C8orf34: variants seen among roughly 807,000 people sequenced by gnomAD.
C8orf34 encodes the protein uncharacterized protein C8orf34.
C8orf34 carries 65 observed loss-of-function variants against 68.3 expected under a neutral mutation model. The ratio of observed to expected loss-of-function variants is 0.95; its 90% CI spans 0.78 to 1.17. The LOEUF (loss-of-function observed/expected upper bound fraction) is 1.17, where lower values mean the gene tolerates loss of function less well. C8orf34 is among the 50% of genes most tolerant of loss of function. C8orf34 has a pLI of 0.00. For synonymous variants in C8orf34, 244 were observed against 241.2 expected, an observed-to-expected ratio of 1.01 and a Z score of -0.11; for missense variants, 664 against 655.4, an observed-to-expected ratio of 1.01 and a Z score of -0.14.
chr8:68,379,260 T>G (rs2129620121), intron 1 of C8orf34, among the ~76,000 whole-genome samples: 1 of 152,310 alleles, frequency 6.6e-6, no homozygotes, highest in African/African-American at 2.4e-5. Flanking sequence ...AGTCGAAGAT[T>G]TTTGCACCTT....
At chr8:68,718,618 C>G (rs1394632768) in intron 9 of C8orf34, among the ~76,000 whole-genome samples, 1 of 152,140 alleles carries the variant, frequency 6.6e-6, no homozygotes, top group Non-Finnish European at 1.5e-5. Context: ...GAGTTTATGT[C>G]AACTGTGCAT....
chr8:68,787,291 T>A (rs1356050212), intron 11 of C8orf34, 152 bp from the exon 12 acceptor site: 2 of 486,716 alleles, frequency 4.1e-6, no homozygotes, highest in Non-Finnish European at 7.5e-6. Flanking sequence ...GACATGAAAA[T>A]GAATTTAAAG....
chr8:68,599,654 C>A (rs1817642578), intron 7 of C8orf34, among the ~76,000 whole-genome samples: 1 of 151,850 alleles, frequency 6.6e-6, no homozygotes, highest in African/African-American at 2.4e-5. Flanking sequence ...ATGTATTATA[C>A]CCCCAGATAT....
chr8:68,468,973 G>A (rs1236965603), intron 4 of C8orf34, among the ~76,000 whole-genome samples, 153 bp downstream of exon 4: 1 of 152,038 alleles, frequency 6.6e-6, no homozygotes, highest in Non-Finnish European at 1.5e-5. Flanking sequence ...AAAGGAACTT[G>A]ATTTTGCATA....
At chr8:68,583,547 C>T (rs1299621281) in intron 7 of C8orf34, among the ~76,000 whole-genome samples, 3 of 152,110 alleles carry the variant, frequency 2.0e-5, no homozygotes, top group East Asian at 1.9e-4. Context: ...CAGATACCTA[C>T]TTAAATTATT....
chr8:68,624,175 G>A (rs1461884522), intron 7 of C8orf34, among the ~76,000 whole-genome samples: 1 of 151,730 alleles, frequency 6.6e-6, no homozygotes, highest in Non-Finnish European at 1.5e-5. Flanking sequence ...GGGAGGCTGA[G>A]GTAGGAGAAT....
At chr8:68,474,039 T>C (rs989346880) in intron 4 of C8orf34, among the ~76,000 whole-genome samples, 1 of 152,164 alleles carries the variant, frequency 6.6e-6, no homozygotes, top group African/African-American at 2.4e-5. Flanking sequence ...GTTCCTATGG[T>C]TCGTGATTGA....
intron 12 of C8orf34, among the ~76,000 whole-genome samples, chr8:68,810,093 G>C (rs1255567893): frequency 6.6e-6 from 1 of 152,208 alleles, no homozygotes; most frequent in Non-Finnish European, 1.5e-5. Context: ...TGGCATCTTT[G>C]CCTAGTTTTG....
At chr8:68,598,300 G>C (rs1009655816) in intron 7 of C8orf34, among the ~76,000 whole-genome samples, 3 of 152,094 alleles carry the variant, frequency 2.0e-5, no homozygotes, top group African/African-American at 7.2e-5. Context: ...TCCCCCAAAT[G>C]TCTAAAGGAA....
At chr8:68,435,522 G>A (rs1386235687) in intron 1 of C8orf34, among the ~76,000 whole-genome samples, 1 of 152,290 alleles carries the variant, frequency 6.6e-6, no homozygotes, top group East Asian at 1.9e-4. Context: ...CGGTGTCTTT[G>A]TGGAACCCTC....
intron 1 of C8orf34, among the ~76,000 whole-genome samples, chr8:68,364,610 T>A (rs1422837241): frequency 9.6e-6 from 1 of 104,246 alleles, no homozygotes; most frequent in Non-Finnish European, 1.9e-5. Flanking sequence ...GCTGCTCAAC[T>A]ACATGGAAAC....
chr8:68,669,593 G>T (rs1819945837), intron 8 of C8orf34, among the ~76,000 whole-genome samples: 1 of 152,206 alleles, frequency 6.6e-6, no homozygotes, highest in South Asian at 2.1e-4. Context: ...TGGGCATGAT[G>T]CCAGCAGCTT....
chr8:68,434,632 A>G (rs1810580923), intron 1 of C8orf34, among the ~76,000 whole-genome samples: 1 of 152,218 alleles, frequency 6.6e-6, no homozygotes, highest in African/African-American at 2.4e-5. Flanking sequence ...AAATAAAAGT[A>G]TTTGTTCCAG....
chr8:68,673,721 G>A (rs909508469), intron 8 of C8orf34, among the ~76,000 whole-genome samples: 1 of 151,468 alleles, frequency 6.6e-6, no homozygotes, highest in African/African-American at 2.4e-5. Flanking sequence ...CACCCTAAAG[G>A]GAAGGACACA....
intron 6 of C8orf34, among the ~76,000 whole-genome samples, chr8:68,522,934 CTG>C (rs1423745237): frequency 2.0e-5 from 3 of 152,146 alleles, no homozygotes; most frequent in East Asian, 3.9e-4. Flanking sequence ...CAACCAATAA[CTG>C]TTCTTTCTCA....
At chr8:68,469,933 T>C (rs1302967510) in intron 4 of C8orf34, among the ~76,000 whole-genome samples, 2 of 19,924 alleles carry the variant, frequency 1.0e-4, no homozygotes, top group East Asian at 3.8e-3. Context: ...TTTGGTATTT[T>C]GTGTGTGTGT....
intron 7 of C8orf34, among the ~76,000 whole-genome samples, chr8:68,563,678 C>T (rs1304569877): frequency 1.3e-5 from 2 of 151,646 alleles, no homozygotes; most frequent in Non-Finnish European, 2.9e-5. Context: ...AAGACATGAA[C>T]TCCATCAACA....
At chr8:68,787,686 T>G (rs1195596701) in intron 12 of C8orf34, 150 bp downstream of exon 12, 1 of 519,690 alleles carries the variant, frequency 1.9e-6, no homozygotes, top group Non-Finnish European at 3.5e-6. Context: ...CAAGCTATCC[T>G]TCAGGTCTAT....
intron 7 of C8orf34, among the ~76,000 whole-genome samples, chr8:68,576,300 G>A (rs944902880): frequency 1.3e-5 from 2 of 148,328 alleles, no homozygotes; most frequent in Admixed American, 6.6e-5. Flanking sequence ...GAGGATTTGG[G>A]ACTTCAAATA....
Sources: allele counts gnomAD v4.1 joint callset (sites outside exome capture counted in the v4.1 genomes callset), GRCh38; gene constraint gnomAD v4.1.1; transcripts MANE v1.5; gene names NCBI Gene and HGNC (gene_info 2026-07-23, HGNC 2026-07-21).